Variants in LIMS1 observed in about 807,000 individuals in gnomAD.
LIMS1 encodes LIM and senescent cell antigen-like-containing domain protein 1.
Under a neutral mutation model 44.1 loss-of-function variants are expected in LIMS1, and 18 were observed. That is an observed-to-expected ratio of 0.41 (90% CI 0.28 to 0.61). The LOEUF is 0.61. LIMS1 is among the 20% of genes least tolerant of loss of function. The pLI is 0.32. For synonymous variants in LIMS1, 93 were observed against 149.1 expected, an observed-to-expected ratio of 0.62 and a Z score of 2.74; for missense variants, 201 against 422.0, an observed-to-expected ratio of 0.48 and a Z score of 4.59.
chr2:108,602,213 T>G lies in LIMS1; in HGVS notation c.33-57392T>G, dbSNP rs372762984. Among the ~76,000 whole-genome samples, 6 of 152,330 alleles carry G rather than the reference T, an allele frequency of 3.9e-5. No individual in the cohort carries two copies. The South Asian group carries it at 1.2e-3, about 32-fold the overall frequency. On this transcript the variant is annotated intron_variant, in intron 1 of 9. Coordinates refer to ENST00000544547, the Ensembl canonical transcript of LIMS1. ...TAGTTTTTTGGTGAAGTCCTTAGGT[T>G]TTTCCAAATATAAAATCATATCATC...
rs1184543270 is a variant in LIMS1, at chr2:108,569,262, G to A, written c.32+34668G>A. 3.3e-5 allele frequency among the ~76,000 whole-genome samples: 5 copies of A among 152,048 alleles called. No individual in the cohort carries two copies. In the East Asian group the frequency reaches 9.6e-4, roughly 29 times the overall value. Reference sequence around the variant, plus strand: ...TTAAAGCCTCATCCATTCATGATTTGCAAATATTTTCTCCTGTTTCATATT... The same window carrying A: ...TTAAAGCCTCATCCATTCATGATTTACAAATATTTTCTCCTGTTTCATATT... On this transcript the variant is annotated intron_variant, in intron 1 of 9. Coordinates refer to ENST00000544547, the Ensembl canonical transcript of LIMS1.
intron 1 of LIMS1, among the ~76,000 whole-genome samples, chr2:108,561,469 G>A (rs1016851562): frequency 5.9e-5 from 9 of 152,282 alleles, no homozygotes; most frequent in African/African-American, 2.2e-4. Context: ...CCAATGCAGT[G>A]TATGTGTGTG....
intron 1 of LIMS1, among the ~76,000 whole-genome samples, chr2:108,583,881 A>T (rs889097518): frequency 6.6e-6 from 1 of 151,702 alleles, no homozygotes. Context: ...TTTAGTAGAG[A>T]TGAGGTTTCA....
At chr2:108,534,477 G>A in exon 1 of LIMS1, 1 of 1,067,148 alleles carries the variant, frequency 9.4e-7, no homozygotes, top group Admixed American at 5.0e-5. Flanking sequence ...GCCAGTAGCC[G>A]GCCGCGGCGG....
intron 1 of LIMS1, among the ~76,000 whole-genome samples, chr2:108,589,837 T>A (rs1427631917): frequency 6.6e-6 from 1 of 152,226 alleles, no homozygotes; most frequent in Non-Finnish European, 1.5e-5. Flanking sequence ...TTGTTAATTT[T>A]CCATGTCCTC....
exon 1 of LIMS1, chr2:108,534,426 C>T (rs960416275): frequency 2.8e-4 from 156 of 547,578 alleles, no homozygotes; most frequent in Non-Finnish European, 3.7e-4. Flanking sequence ...CGCCCCCGCG[C>T]GGCCGGCCCC....
intron 1 of LIMS1, among the ~76,000 whole-genome samples, chr2:108,592,755 G>A (rs944075526): frequency 6.6e-6 from 1 of 152,130 alleles, no homozygotes; most frequent in African/African-American, 2.4e-5. Flanking sequence ...GTGTGATTTT[G>A]AACAAATTAT....
intron 9 of LIMS1, 34 bp downstream of exon 9, chr2:108,680,804 A>C: frequency 6.3e-7 from 1 of 1,591,588 alleles, no homozygotes; most frequent in Non-Finnish European, 8.5e-7. Flanking sequence ...GTGAATCCTA[A>C]GACTGAAAAC....
chr2:108,588,108 A>G (rs1686194451), intron 1 of LIMS1, among the ~76,000 whole-genome samples: 2 of 152,202 alleles, frequency 1.3e-5, no homozygotes, highest in South Asian at 4.1e-4. Flanking sequence ...TGCATGTTAT[A>G]TGTGCTTTCA....
intron 1 of LIMS1, among the ~76,000 whole-genome samples, chr2:108,544,298 A>G (rs1259081147): frequency 6.6e-6 from 1 of 152,154 alleles, no homozygotes; most frequent in Non-Finnish European, 1.5e-5. Flanking sequence ...TGCTCTCAAA[A>G]CATGGGCTGC....
At chr2:108,634,868 C>A (rs1056317703) in intron 1 of LIMS1, among the ~76,000 whole-genome samples, 3 of 152,234 alleles carry the variant, frequency 2.0e-5, no homozygotes, top group Non-Finnish European at 4.4e-5. Flanking sequence ...TCCCAGTCAT[C>A]TTCAAGAAGA....
intron 8 of LIMS1, among the ~76,000 whole-genome samples, chr2:108,678,767 G>A (rs1374591716): frequency 6.6e-6 from 1 of 152,162 alleles, no homozygotes; most frequent in African/African-American, 2.4e-5. Context: ...ATCAGCTCTG[G>A]AAAAAAGACT....
chr2:108,684,280 C>T lies in LIMS1; in HGVS notation c.*281C>T, dbSNP rs576715199. 5.3e-5 allele frequency: 9 copies of T among 168,980 alleles called. No individual in the cohort carries two copies. The South Asian group carries it at 1.7e-3, about 33-fold the overall frequency. The allele number at this position is 168,980 out of a possible 1,614,324, so 10.5% of individuals were successfully genotyped here. A position where few individuals can be genotyped will look rare whatever the true frequency, so the allele number is the denominator to read the frequency against. On this transcript the variant is annotated 3_prime_UTR_variant, in exon 10 of 10. Coordinates refer to ENST00000544547, the Ensembl canonical transcript of LIMS1. ...TTAAATGTTAAATTTTAATTAAGGCCCCCAAAAATTAAATATAACTTTTTA... is the reference window on the plus strand; with the variant it reads ...TTAAATGTTAAATTTTAATTAAGGCTCCCAAAAATTAAATATAACTTTTTA...
chr2:108,538,873 T>C (rs1684224908), intron 1 of LIMS1, among the ~76,000 whole-genome samples: 1 of 152,162 alleles, frequency 6.6e-6, no homozygotes, highest in African/African-American at 2.4e-5. Context: ...CAACTCCCCA[T>C]TTCTTGCAAT....
chr2:108,662,816 G>A lies in LIMS1; in HGVS notation c.192+3052G>A, dbSNP rs376743321. 21 of 828,242 alleles carry A rather than the reference G, an allele frequency of 2.5e-5. 1 individual carries two copies. The East Asian group carries it at 1.1e-3, about 44-fold the overall frequency. The allele number at this position is 828,242 out of a possible 1,614,324, so 51.3% of individuals were successfully genotyped here. ...TTCGCCACTCTATATCTTTGTTATT[G>A]CTTTTGTCTCGTTATCAGAACAACT... is the stretch of plus-strand genomic sequence containing the variant. On this transcript the variant is annotated intron_variant, in intron 2 of 9. Transcript: ENST00000544547.
chr2:108,585,160 A>AAG (rs755065965), intron 1 of LIMS1, among the ~76,000 whole-genome samples: 2,207 of 151,428 alleles, frequency 0.015, 30 homozygotes, highest in Non-Finnish European at 0.025. Context: ...CAAAAAAAAA[A>AAG]AAAAAAAAAA....
intron 1 of LIMS1, among the ~76,000 whole-genome samples, chr2:108,564,689 A>G (rs1356443531): frequency 1.3e-5 from 2 of 152,164 alleles, no homozygotes; most frequent in East Asian, 3.9e-4. Flanking sequence ...AGTGCTTGGC[A>G]CGTCATACGA....
chr2:108,567,788 T>G (rs1383776262), intron 1 of LIMS1, among the ~76,000 whole-genome samples: 1 of 152,154 alleles, frequency 6.6e-6, no homozygotes, highest in Admixed American at 6.5e-5. Flanking sequence ...TTCAGGCTGG[T>G]TTTGAACTCC....
intron 1 of LIMS1, among the ~76,000 whole-genome samples, chr2:108,564,036 T>C (rs1685210129): frequency 8.3e-6 from 1 of 120,050 alleles, no homozygotes; most frequent in Non-Finnish European, 1.7e-5. Flanking sequence ...GCCAAGACCC[T>C]GTCTCAAAAA....
Sources: gnomAD v4.1 joint callset for allele counts (sites outside exome capture counted in the v4.1 genomes callset) on GRCh38, gnomAD v4.1.1 for gene constraint, MANE v1.5 for transcripts, NCBI Gene and HGNC (gene_info 2026-07-23, HGNC 2026-07-21) for gene names.